Variants in PRKN observed in about 807,000 individuals in gnomAD.
PRKN encodes parkin RBR E3 ubiquitin protein ligase, also known as E3 ubiquitin-protein ligase parkin.
In PRKN, 56 loss-of-function variants were observed where a neutral mutation model predicts 59.5. The observed-to-expected ratio is 0.94, with a 90% CI of 0.76 to 1.18. The LOEUF (loss-of-function observed/expected upper bound fraction) is 1.18, where lower values mean the gene tolerates loss of function less well. Among genes scored for constraint, PRKN ranks in the 50% most tolerant of loss-of-function variants. The pLI is 0.00. For synonymous variants in PRKN, 250 were observed against 222.1 expected, an observed-to-expected ratio of 1.13 and a Z score of -1.12; for missense variants, 657 against 596.4, an observed-to-expected ratio of 1.10 and a Z score of -1.06.
rs1455402346 is a variant in PRKN at position 161,544,438 on chromosome 6, G to A, written c.1083+4416C>T. Among the ~76,000 whole-genome samples, 1 of 151,936 alleles carries A rather than the reference G, an allele frequency of 6.6e-6. No individual in the cohort carries two copies. Among genetic ancestry groups the A allele is most frequent in the Non-Finnish European group, 1.5e-5 (1 of 67,984 alleles). On this transcript the variant is annotated intron_variant, in intron 9 of 11. Coordinates refer to ENST00000366898, the MANE Select transcript of PRKN (RefSeq NM_004562.3). This position sits in a 1 kb window ranked among gnomAD's most constrained non-coding sequence, Gnocchi z 5.5. Reference sequence around the variant, plus strand: ...ACTGGGATAAATGATGATTAATATTGGAAAATAAAAGTAATAGTTTGTTGA... The same window carrying A: ...ACTGGGATAAATGATGATTAATATTAGAAAATAAAAGTAATAGTTTGTTGA...
intron 7 of PRKN, among the ~76,000 whole-genome samples, chr6:161,642,669 TACAACAACAATA>T (rs1783786796): frequency 6.6e-6 from 1 of 152,006 alleles, no homozygotes; most frequent in African/African-American, 2.4e-5. Flanking sequence ...TTTTAAAAAC[TACAACAACAATA>T]ACAACAACAA....
At chr6:161,812,743 G>A (rs1791614204) in intron 6 of PRKN, among the ~76,000 whole-genome samples, 2 of 152,134 alleles carry the variant, frequency 1.3e-5, no homozygotes, top group Admixed American at 1.3e-4. Context: ...ACCAAGTGTT[G>A]GCAAGGATAT....
intron 6 of PRKN, among the ~76,000 whole-genome samples, chr6:161,905,842 C>G (rs1008188592): frequency 8.6e-5 from 13 of 150,632 alleles, no homozygotes; most frequent in African/African-American, 3.2e-4. Context: ...CGGCTGTAAT[C>G]CCAGCTACTT....
rs1238021989 is a variant in PRKN, at chr6:161,494,569, T to G, written c.1083+54285A>C. ...CAAATCTGTTTGTGCAAGGAGGCAC[T>G]GGATTGAACTGAATTTCTAGTTTCT... On this transcript the variant is annotated intron_variant, in intron 9 of 11. Coordinates refer to ENST00000366898, the MANE Select transcript of PRKN (RefSeq NM_004562.3). 2.6e-5 allele frequency among the ~76,000 whole-genome samples: 4 copies of G among 152,250 alleles called. No individual in the cohort carries two copies. In the East Asian group the frequency reaches 7.7e-4, roughly 29 times the overall value.
At position 161,499,439 on chromosome 6, in the gene PRKN, A is replaced by G. The variant is rs1037341711; in HGVS notation, c.1083+49415T>C. ...ATAATTCTCCTAAGTATGAAAGTGAAAAGCTAAGATCAGTGTTTCCCACCC... is the reference window on the plus strand; with the variant it reads ...ATAATTCTCCTAAGTATGAAAGTGAGAAGCTAAGATCAGTGTTTCCCACCC... On this transcript the variant is annotated intron_variant, in intron 9 of 11. Transcript: ENST00000366898. The surrounding 1 kb of genome is among the most constrained non-coding windows in gnomAD (Gnocchi z 4.2). Among the ~76,000 whole-genome samples the G allele has an allele frequency of 1.2e-4, 19 of 152,214 alleles. No homozygotes were observed. Among genetic ancestry groups the G allele is most frequent in the African/African-American group, 4.3e-4 (18 of 41,454 alleles).
chr6:161,993,272 C>T (rs1781720224), intron 5 of PRKN, among the ~76,000 whole-genome samples: 1 of 152,034 alleles, frequency 6.6e-6, no homozygotes, highest in Admixed American at 6.6e-5. Flanking sequence ...GGAGACATTA[C>T]CACTAGCACC....
chr6:161,679,556 C>CTTT (rs34325718), intron 7 of PRKN, among the ~76,000 whole-genome samples: 1,550 of 108,974 alleles, frequency 0.014, 56 homozygotes, highest in African/African-American at 0.051. Flanking sequence ...AGTTTCAAGT[C>CTTT]TTTTTTTTTT....
chr6:162,072,161 G>A (rs1170109598), intron 4 of PRKN, among the ~76,000 whole-genome samples: 1 of 152,068 alleles, frequency 6.6e-6, no homozygotes, highest in Non-Finnish European at 1.5e-5. Flanking sequence ...GGTGGCTCAC[G>A]CCTGTAATCC....
intron 4 of PRKN, among the ~76,000 whole-genome samples, chr6:162,111,199 A>C (rs1780418502): frequency 1.3e-5 from 2 of 152,100 alleles, no homozygotes; most frequent in Non-Finnish European, 2.9e-5. Context: ...GACACAGTAG[A>C]TCACGCCTTT....
intron 5 of PRKN, among the ~76,000 whole-genome samples, chr6:161,976,457 C>T (rs1169423039): frequency 6.6e-6 from 1 of 152,178 alleles, no homozygotes; most frequent in Non-Finnish European, 1.5e-5. Context: ...CCTGTGGAGT[C>T]CTGCCCATGA....
At chr6:162,614,721 A>T (rs569182577) in intron 1 of PRKN, among the ~76,000 whole-genome samples, 1 of 152,314 alleles carries the variant, frequency 6.6e-6, no homozygotes, top group East Asian at 1.9e-4. Context: ...AAAACAACTT[A>T]TCTATTTTCC....
At chr6:161,671,189 A>T (rs1784896259) in intron 7 of PRKN, among the ~76,000 whole-genome samples, 1 of 152,148 alleles carries the variant, frequency 6.6e-6, no homozygotes, top group South Asian at 2.1e-4. Context: ...TCTCAGAAAC[A>T]TAATAAACCA....
intron 2 of PRKN, among the ~76,000 whole-genome samples, chr6:162,281,917 AC>A (rs1780928578): frequency 1.5e-5 from 2 of 132,404 alleles, no homozygotes; most frequent in Admixed American, 1.7e-4. Context: ...AAACTGGTCC[AC>A]CTCAGATCAT....
chr6:161,867,144 G>A (rs909652614), intron 6 of PRKN, among the ~76,000 whole-genome samples: 1 of 152,054 alleles, frequency 6.6e-6, no homozygotes, highest in African/African-American at 2.4e-5. Flanking sequence ...TCTATATTGC[G>A]AGTTGATTTT....
chr6:161,526,826 C>T lies in PRKN; in HGVS notation c.1083+22028G>A, dbSNP rs1779033867. 6.6e-6 allele frequency among the ~76,000 whole-genome samples: 1 copy of T among 152,118 alleles called. No homozygotes were observed. Among genetic ancestry groups the T allele is most frequent in the Non-Finnish European group, 1.5e-5 (1 of 68,022 alleles). On this transcript the variant is annotated intron_variant, in intron 9 of 11. Coordinates refer to ENST00000366898, the MANE Select transcript of PRKN (RefSeq NM_004562.3). This position sits in a 1 kb window ranked among gnomAD's most constrained non-coding sequence, Gnocchi z 4.1. ...CATACAAATTTATTACATACATATG[C>T]ATGAGAGTCCCTCAAAATATAAGGC...
chr6:162,572,341 G>T (rs988770159), intron 1 of PRKN, among the ~76,000 whole-genome samples: 2 of 152,132 alleles, frequency 1.3e-5, no homozygotes, highest in Non-Finnish European at 1.5e-5. Flanking sequence ...TCGTGAAAAA[G>T]AATTTATGGC....
At chr6:161,627,800 T>C (rs1462345339) in intron 7 of PRKN, among the ~76,000 whole-genome samples, 1 of 152,246 alleles carries the variant, frequency 6.6e-6, no homozygotes, top group African/African-American at 2.4e-5. Flanking sequence ...AGTGTATTTC[T>C]GCTACATCAC....
chr6:162,079,607 C>G (rs1485853878), intron 4 of PRKN, among the ~76,000 whole-genome samples: 1 of 152,048 alleles, frequency 6.6e-6, no homozygotes, highest in Non-Finnish European at 1.5e-5. Flanking sequence ...TATTTCAGGA[C>G]AGTTTATGCT....
intron 6 of PRKN, among the ~76,000 whole-genome samples, chr6:161,786,165 C>T (rs1790413759): frequency 6.6e-6 from 1 of 152,124 alleles, no homozygotes; most frequent in African/African-American, 2.4e-5. Flanking sequence ...TTTGATTAAA[C>T]CTGAGCTAAA....
Sources: gnomAD v4.1 joint callset for allele counts (sites outside exome capture counted in the v4.1 genomes callset) on GRCh38, gnomAD v4.1.1 for gene constraint, Gnocchi (gnomAD v3.1) non-coding constraint, MANE v1.5 for transcripts, NCBI Gene and HGNC (gene_info 2026-07-23, HGNC 2026-07-21) for gene names.